Variants in TESMIN observed in about 807,000 individuals in gnomAD.
TESMIN encodes the protein CXC domain containing 2.
A neutral mutation model predicts 47.4 loss-of-function variants in TESMIN; 34 were observed. The ratio of observed to expected loss-of-function variants is 0.72; its 90% CI spans 0.55 to 0.96. The LOEUF is 0.96. Among genes scored for constraint, TESMIN ranks in the 40% least tolerant of loss-of-function variants. The probability of loss-of-function intolerance (pLI) is 0.00; values close to 1 mark genes in which losing one functional copy is unlikely to be tolerated. For missense variants in TESMIN, 610 were observed against 637.2 expected, an observed-to-expected ratio of 0.96 and a Z score of 0.46; for synonymous variants, 278 against 258.9, an observed-to-expected ratio of 1.07 and a Z score of -0.71.
In TESMIN at chr11:68,708,097, C is replaced by T; in HGVS notation, c.*211G>A. 1 of 563,662 alleles carries T rather than the reference C, an allele frequency of 1.8e-6. No individual in the cohort carries two copies. The allele number at this position is 563,662 out of a possible 1,614,324, so 34.9% of individuals were successfully genotyped here. A position where few individuals can be genotyped will look rare whatever the true frequency, so the allele number is the denominator to read the frequency against. On this transcript the variant is annotated 3_prime_UTR_variant, in exon 10 of 10. Coordinates refer to ENST00000255087, the MANE Select transcript of TESMIN (RefSeq NM_004923.3). ...GGAACCCAAGCTCTCTCCTCTGGGC[C>T]AGACAAACAATGCTCAGGCCATGCA...
intron 6 of TESMIN, chr11:68,736,890 C>T (rs1048049900): frequency 1.1e-5 from 11 of 985,308 alleles, no homozygotes; most frequent in African/African-American, 1.7e-5. Flanking sequence ...GCCCTGAAAA[C>T]GCTGTCATGA....
intron 6 of TESMIN, among the ~76,000 whole-genome samples, chr11:68,731,344 C>G (rs1242217447): frequency 6.6e-6 from 1 of 152,112 alleles, no homozygotes; most frequent in East Asian, 1.9e-4. Context: ...GGGAGGATCA[C>G]CTGAGCCCAG....
chr11:68,747,172 A>C, intron 3 of TESMIN, 36 bp downstream of exon 3: 2 of 1,596,126 alleles, frequency 1.3e-6, no homozygotes, highest in Non-Finnish European at 1.7e-6. Flanking sequence ...CATTTAGTAT[A>C]ATGTTAGTCC....
rs968943924 is a variant in TESMIN at position 68,730,307 on chromosome 11, C to T, written c.917+8393G>A. On this transcript the variant is annotated intron_variant, in intron 6 of 9. Transcript: ENST00000255087. ...AGCTGAAGCTGCAGTACCTCCAACG[C>T]AAGCCTGTATGTTGTTGCCTATACC... Among the ~76,000 whole-genome samples the T allele has an allele frequency of 6.6e-5, 10 of 152,260 alleles. No homozygotes were observed. The South Asian group carries it at 2.1e-3, about 32-fold the overall frequency.
At chr11:68,705,625 G>A (rs1945990343), downstream of TESMIN, among the ~76,000 whole-genome samples, 1 of 151,610 alleles carries the variant, frequency 6.6e-6, no homozygotes, top group African/African-American at 2.4e-5. Flanking sequence ...AAAAAACAAG[G>A]TTTTTTTTTC....
intron 6 of TESMIN, among the ~76,000 whole-genome samples, chr11:68,716,155 C>T (rs935142936): frequency 1.3e-5 from 2 of 152,238 alleles, no homozygotes; most frequent in Non-Finnish European, 2.9e-5. Flanking sequence ...CTAGTTAAAA[C>T]CATTTGTTTC....
intron 2 of TESMIN, among the ~76,000 whole-genome samples, chr11:68,749,607 A>T (rs1231840949): frequency 5.3e-5 from 8 of 152,204 alleles, no homozygotes; most frequent in Admixed American, 5.2e-4. Context: ...GCTGGCAAGC[A>T]TTTCTTTAGG....
intron 6 of TESMIN, chr11:68,736,050 C>G: frequency 2.0e-6 from 2 of 980,024 alleles, no homozygotes; most frequent in Non-Finnish European, 1.2e-6. Context: ...ATGTGGACAA[C>G]TCTGCCTCAG....
At position 68,745,329 on chromosome 11, in the gene TESMIN, C is replaced by T. The variant is rs114922651; in HGVS notation, c.631-218G>A. ...AAAAAAAAAAAAAAAAAGAAAAACC[C>T]AGAAATGTTTCCTGAGATGCGTCCA... On this transcript the variant is annotated intron_variant, in intron 3 of 9. Coordinates refer to ENST00000255087, the MANE Select transcript of TESMIN (RefSeq NM_004923.3). Among the ~76,000 whole-genome samples, 860 of 151,230 alleles carry T rather than the reference C, an allele frequency of 5.7e-3. 10 individuals carry two copies. Among genetic ancestry groups the T allele is most frequent in the African/African-American group, 0.019 (804 of 41,266 alleles).
At chr11:68,720,892 T>A (rs1251422289) in intron 6 of TESMIN, among the ~76,000 whole-genome samples, 2 of 152,234 alleles carry the variant, frequency 1.3e-5, no homozygotes, top group African/African-American at 4.8e-5. Flanking sequence ...CTAGAGATGA[T>A]CATTTGATGA....
At chr11:68,725,591 C>A (rs1946252590) in intron 6 of TESMIN, among the ~76,000 whole-genome samples, 1 of 152,028 alleles carries the variant, frequency 6.6e-6, no homozygotes, top group African/African-American at 2.4e-5. Flanking sequence ...CATATTGAAT[C>A]ATGAAATTTT....
At chr11:68,716,124 C>G (rs1466644917) in intron 6 of TESMIN, among the ~76,000 whole-genome samples, 185 bp from the exon 7 acceptor site, 1 of 152,218 alleles carries the variant, frequency 6.6e-6, no homozygotes, top group Non-Finnish European at 1.5e-5. Context: ...TCACCAGTGA[C>G]TAACACAGAA....
chr11:68,747,440 T>C (rs561745485), intron 2 of TESMIN, 74 bp from the exon 3 acceptor site: 13 of 1,344,946 alleles, frequency 9.7e-6, no homozygotes, highest in African/African-American at 2.9e-5. Context: ...ATTTAGAAAA[T>C]TGAAATCTCA....
chr11:68,735,681 G>A (rs1946379200), intron 6 of TESMIN, among the ~76,000 whole-genome samples: 2 of 152,204 alleles, frequency 1.3e-5, no homozygotes, highest in African/African-American at 2.4e-5. Context: ...CATATTGACT[G>A]TAAATGCCAC....
Position 68,742,282 on chromosome 11 carries a change from C to T in TESMIN, c.828+36G>A, listed in dbSNP as rs199788333. On this transcript the variant is annotated intron_variant, in intron 5 of 9. Coordinates refer to ENST00000255087, the MANE Select transcript of TESMIN (RefSeq NM_004923.3). ...ATCAAAATTTTAAGAGACAATAATG[C>T]AAAATTGTATTTTTTAAATTAAAAC... The T allele has an allele frequency of 1.4e-3, 1,827 of 1,297,298 alleles. 3 individuals carry two copies. The highest frequency in any genetic ancestry group is 1.7e-3 in the Non-Finnish European group (1,615 of 925,268). 80.4% of individuals were successfully genotyped at this position (1,297,298 alleles called of 1,614,324 possible).
Position 68,713,253 on chromosome 11 carries a change from G to A in TESMIN, c.1158+17C>T. 6.2e-7 allele frequency: 1 copy of A among 1,605,716 alleles called. No homozygotes were observed. The highest frequency in any genetic ancestry group is 1.3e-5 in the African/African-American group (1 of 74,812). ...ACCTGTGTTTTTTGTTAGTGAGTTAGGGAGCTGGGCACTAACCTCATAGCA... is the reference window on the plus strand; with the variant it reads ...ACCTGTGTTTTTTGTTAGTGAGTTAAGGAGCTGGGCACTAACCTCATAGCA... On this transcript the variant is annotated intron_variant, in intron 8 of 9. Coordinates refer to ENST00000255087, the MANE Select transcript of TESMIN (RefSeq NM_004923.3).
chr11:68,739,345 C>T (rs1946429720), intron 5 of TESMIN, among the ~76,000 whole-genome samples: 1 of 152,126 alleles, frequency 6.6e-6, no homozygotes, highest in Admixed American at 6.5e-5. Context: ...ATTAGCATGG[C>T]CTGTGGAGGC....
At chr11:68,744,783 C>G in intron 4 of TESMIN, 1 of 358,564 alleles carries the variant, frequency 2.8e-6, no homozygotes, top group Non-Finnish European at 4.9e-6. Context: ...GACAGCTATC[C>G]AAGAATTTGA....
At chr11:68,748,140 A>C (rs375756495) in intron 2 of TESMIN, among the ~76,000 whole-genome samples, 4 of 152,226 alleles carry the variant, frequency 2.6e-5, no homozygotes, top group East Asian at 1.9e-4. Flanking sequence ...TTCCAAAAAG[A>C]TGGTGGCTCT....
Sources: gnomAD v4.1 joint callset for allele counts (sites outside exome capture counted in the v4.1 genomes callset) on GRCh38, gnomAD v4.1.1 for gene constraint, MANE v1.5 for transcripts, NCBI Gene and HGNC (gene_info 2026-07-23, HGNC 2026-07-21) for gene names.